Variants in AFF2 observed in about 807,000 individuals in gnomAD.
AFF2 encodes the protein AF4/FMR2 family member 2.
In AFF2, 14 loss-of-function variants were observed where a neutral mutation model predicts 76.9. That is an observed-to-expected ratio of 0.18 (90% confidence interval 0.12 to 0.28). The LOEUF is 0.28. Ranked by LOEUF, AFF2 falls within the 10% of genes least tolerant of loss-of-function variation. The pLI is 1.00. For missense variants in AFF2, 868 were observed against 1,001.1 expected, an observed-to-expected ratio of 0.87 and a Z score of 1.79; for synonymous variants, 398 against 366.7, an observed-to-expected ratio of 1.09 and a Z score of -0.98.
At chrX:148,663,675 A>C (rs2054330732) in intron 3 of AFF2, among the ~76,000 whole-genome samples, 1 of 112,180 alleles carries the variant, frequency 8.9e-6, no homozygotes, top group Non-Finnish European at 1.9e-5. Flanking sequence ...GATTCCTGTC[A>C]CTGGTGACTA....
At chrX:148,771,032 T>C (rs894252138) in intron 3 of AFF2, among the ~76,000 whole-genome samples, 1 of 112,042 alleles carries the variant, frequency 8.9e-6, no homozygotes, top group Non-Finnish European at 1.9e-5. Context: ...GGAATTTTTG[T>C]ACATGCTGGG....
intron 3 of AFF2, among the ~76,000 whole-genome samples, chrX:148,690,188 C>CT (rs782460541): frequency 7.8e-4 from 88 of 112,109 alleles, no homozygotes; most frequent in African/African-American, 2.8e-3. Context: ...AAAGAGGCTA[C>CT]TTGCCTTCAC....
At chrX:148,750,261 G>T (rs782444561) in intron 3 of AFF2, among the ~76,000 whole-genome samples, 39 of 110,666 alleles carry the variant, frequency 3.5e-4, no homozygotes, top group African/African-American at 1.2e-3. Context: ...GAGCCACTGC[G>T]CCCAGCCGCC....
Position 148,652,009 on chromosome X carries a change from C to A in AFF2, c.58C>A (p.Gln20Lys), listed in dbSNP as rs782225647. ...TCCTTTTCATATCAGTCACTATGAA[C>A]AAGACCGTAGTGCACTTAAAAAAAG... ...WDLEQQCHYE[Q>K]DRSALKKREW... Residue 20 changes from glutamine (Q) to lysine (K), a missense_variant, in exon 2 of 21, where the codon CAA becomes AAA. Around this residue, in one of 6 missense-constraint regions of AFF2, gnomAD observed 196 missense variants for 194.8 expected, o/e 1.01. Transcript: ENST00000370460. The A allele has an allele frequency of 8.4e-7, 1 of 1,194,523 alleles. No individual in the cohort carries two copies. The highest frequency in any genetic ancestry group is 1.1e-6 in the Non-Finnish European group (1 of 886,304).
intron 3 of AFF2, among the ~76,000 whole-genome samples, chrX:148,735,465 A>G (rs1003850732): frequency 8.9e-5 from 10 of 112,085 alleles, no homozygotes; most frequent in African/African-American, 3.2e-4. Context: ...ATATTGGTAC[A>G]TATGAGAATA....
At chrX:148,758,518 G>T (rs1557267079) in intron 3 of AFF2, among the ~76,000 whole-genome samples, 1 of 111,662 alleles carries the variant, frequency 9.0e-6, no homozygotes, top group African/African-American at 3.3e-5. Flanking sequence ...ACTGTAGATA[G>T]CTCGGTGATA....
At chrX:148,731,600 G>T (rs782148623) in intron 3 of AFF2, among the ~76,000 whole-genome samples, 4 of 111,360 alleles carry the variant, frequency 3.6e-5, no homozygotes, top group African/African-American at 1.3e-4. Context: ...GCCATTTTAA[G>T]CACAGCAAAA....
At position 148,830,939 on chromosome X, in the gene AFF2, A is replaced by T. The variant is rs1250243369; in HGVS notation, c.1087-6708A>T. On this transcript the variant is annotated intron_variant, in intron 4 of 20. Transcript: ENST00000370460. ...TCATTCCTTATCTACAACTGTAAAA[A>T]AAAAAGACAGACTTTCCCAAAGAGG... Among the ~76,000 whole-genome samples the T allele has an allele frequency of 4.5e-5, 5 of 111,824 alleles. No homozygotes were observed. The East Asian group carries it at 1.4e-3, about 31-fold the overall frequency.
chrX:148,973,345 G>A lies in AFF2; in HGVS notation c.3268-126G>A, dbSNP rs1029484024. ...CTCCCCAGGGGTGACAACTGAAAGT[G>A]TCTCCAGACATTGCCAAATGTTCCC... On this transcript the variant is annotated intron_variant, in intron 15 of 20. Transcript: ENST00000370460. 255 of 844,012 alleles carry A rather than the reference G, an allele frequency of 3.0e-4. 1 individual carries two copies. Among genetic ancestry groups the A allele is most frequent in the Non-Finnish European group, 3.9e-4 (230 of 590,545 alleles). The allele number at this position is 844,012 out of a possible 1,213,427, so 69.6% of individuals were successfully genotyped here. A position where few individuals can be genotyped will look rare whatever the true frequency, so the allele number is the denominator to read the frequency against.
intron 1 of AFF2, among the ~76,000 whole-genome samples, chrX:148,555,479 A>T (rs1557239551): frequency 8.9e-6 from 1 of 112,242 alleles, no homozygotes; most frequent in Admixed American, 9.4e-5. Flanking sequence ...TTTAGTTTTG[A>T]CATAGAGTGA....
At chrX:148,676,882 T>G (rs1366825583) in intron 3 of AFF2, among the ~76,000 whole-genome samples, 1 of 110,504 alleles carries the variant, frequency 9.0e-6, no homozygotes, top group Non-Finnish European at 1.9e-5. Context: ...TGATGGGGAG[T>G]CTTTTAAATC....
Position 148,959,508 on chromosome X carries a change from C to T in AFF2, c.2690+1050C>T, listed in dbSNP as rs1417067222. On this transcript the variant is annotated intron_variant, in intron 12 of 20. Coordinates refer to ENST00000370460, the MANE Select transcript of AFF2 (RefSeq NM_002025.4). ...TAAGATGTCGGAAATAAGTTATCAG[C>T]TTACATTTGTCTGGATCTTTGTTGT... Among the ~76,000 whole-genome samples the T allele has an allele frequency of 2.7e-5, 3 of 111,936 alleles. No homozygotes were observed. The East Asian group carries it at 8.4e-4, about 31-fold the overall frequency.
chrX:148,831,575 C>G (rs1557273324), intron 4 of AFF2, among the ~76,000 whole-genome samples: 2 of 112,147 alleles, frequency 1.8e-5, no homozygotes, highest in Non-Finnish European at 3.8e-5. Context: ...AACACCCCCA[C>G]TGCTGCTGCA....
At chrX:148,504,324 C>A (rs782066004) in intron 1 of AFF2, among the ~76,000 whole-genome samples, 1 of 110,414 alleles carries the variant, frequency 9.1e-6, no homozygotes, top group Non-Finnish European at 1.9e-5. Flanking sequence ...AAAGAAAATA[C>A]AGAAAGGGAC....
intron 3 of AFF2, among the ~76,000 whole-genome samples, chrX:148,668,131 C>T (rs934149312): frequency 4.4e-5 from 5 of 113,025 alleles, no homozygotes; most frequent in Non-Finnish European, 7.5e-5. Flanking sequence ...CCAGCAGGGC[C>T]GTCAAACCTT....
chrX:148,750,034 C>T (rs2055477829), intron 3 of AFF2, among the ~76,000 whole-genome samples: 1 of 109,118 alleles, frequency 9.2e-6, no homozygotes, highest in African/African-American at 3.3e-5. Flanking sequence ...ATGGTGAAGT[C>T]TCGGCTCACT....
At chrX:148,763,943 C>G (rs1249459764) in intron 3 of AFF2, among the ~76,000 whole-genome samples, 8 of 112,171 alleles carry the variant, frequency 7.1e-5, no homozygotes, top group African/African-American at 2.6e-4. Context: ...AGAGCAATGA[C>G]TTTTAGAGAC....
chrX:148,504,098 G>A (rs1251643466), intron 1 of AFF2, among the ~76,000 whole-genome samples: 3 of 111,329 alleles, frequency 2.7e-5, no homozygotes, highest in African/African-American at 9.8e-5. Flanking sequence ...CCAAGTAAAT[G>A]AATACTTGAG....
intron 9 of AFF2, among the ~76,000 whole-genome samples, chrX:148,926,581 A>G (rs782565345): frequency 2.5e-4 from 28 of 111,918 alleles, no homozygotes; most frequent in Non-Finnish European, 4.7e-4. Context: ...CGTGAATTCC[A>G]TAGTTTCTAA....
Sources: gnomAD v4.1 joint callset for allele counts (sites outside exome capture counted in the v4.1 genomes callset) on GRCh38, gnomAD v4.1.1 for gene constraint, gnomAD v4.1.1 regional missense constraint, MANE v1.5 for transcripts, NCBI Gene and HGNC (gene_info 2026-07-23, HGNC 2026-07-21) for gene names.